The following IL1RAPL1 variants were observed in gnomAD, a reference collection of about 807,000 sequenced individuals.
The protein encoded by IL1RAPL1 is interleukin-1 receptor accessory protein-like 1.
A neutral mutation model predicts 48.4 loss-of-function variants in IL1RAPL1; 3 were observed. That is an observed-to-expected ratio of 0.06 (90% CI 0.03 to 0.16). The LOEUF is 0.16. Among genes scored for constraint, IL1RAPL1 ranks in the 10% least tolerant of loss-of-function variants. IL1RAPL1 has a pLI of 1.00. For missense variants in IL1RAPL1, 349 were observed against 530.6 expected (o/e 0.66, Z 3.36); for synonymous variants, 185 against 187.7 (o/e 0.99, Z 0.12).
chrX:29,276,928 T>C (rs1426747093), intron 2 of IL1RAPL1, among the ~76,000 whole-genome samples: 6 of 111,914 alleles, frequency 5.4e-5, no homozygotes, highest in Non-Finnish European at 1.1e-4. Context: ...GAGATGGCGA[T>C]AGAGATACGG....
chrX:29,440,501 T>G (rs187645909), intron 5 of IL1RAPL1, among the ~76,000 whole-genome samples: 3 of 111,763 alleles, frequency 2.7e-5, no homozygotes, highest in Non-Finnish European at 5.7e-5. Context: ...CAATCACTCC[T>G]TGTCAAAATG....
chrX:29,843,797 GTCTC>G (rs1439061867), intron 6 of IL1RAPL1, among the ~76,000 whole-genome samples: 1 of 108,111 alleles, frequency 9.2e-6, no homozygotes, highest in Non-Finnish European at 1.9e-5. Context: ...CTCTCTGTGT[GTCTC>G]TCTCTCTCAT....
chrX:28,798,717 T>C (rs1395496488), intron 2 of IL1RAPL1, among the ~76,000 whole-genome samples: 1 of 111,605 alleles, frequency 9.0e-6, no homozygotes, highest in African/African-American at 3.3e-5. Context: ...AGGAGCCAGA[T>C]GGGAATGGAA....
At chrX:29,686,308 C>G (rs1601778707) in intron 6 of IL1RAPL1, among the ~76,000 whole-genome samples, 1 of 110,691 alleles carries the variant, frequency 9.0e-6, no homozygotes, top group African/African-American at 3.3e-5. Flanking sequence ...ATTATTTTCA[C>G]TCTTAAAGTA....
intron 6 of IL1RAPL1, among the ~76,000 whole-genome samples, chrX:29,720,619 G>A (rs1175486488): frequency 2.7e-5 from 3 of 110,784 alleles, no homozygotes; most frequent in African/African-American, 9.9e-5. Flanking sequence ...GGGGGTCTAG[G>A]GGAGGCATAG....
Position 28,698,890 on chromosome X carries a change from T to C in IL1RAPL1, c.-24-90430T>C, listed in dbSNP as rs749926802. On this transcript the variant is annotated intron_variant, in intron 1 of 10. Coordinates refer to ENST00000378993, the MANE Select transcript of IL1RAPL1 (RefSeq NM_014271.4). ...CCTGGCATGCAAAGCTAGAGAATAC[T>C]ACACAGAAAGAAGTTCAAGCACAGA... Among the ~76,000 whole-genome samples the C allele has an allele frequency of 8.2e-4, 92 of 112,305 alleles. 1 individual carries two copies. The highest frequency in any genetic ancestry group is 2.6e-3 in the African/African-American group (81 of 31,050).
intron 6 of IL1RAPL1, among the ~76,000 whole-genome samples, chrX:29,827,405 G>C (rs1160564383): frequency 8.9e-6 from 1 of 112,373 alleles, no homozygotes; most frequent in Admixed American, 9.4e-5. Flanking sequence ...TTTAACAACA[G>C]ATACAAAGTG....
intron 5 of IL1RAPL1, among the ~76,000 whole-genome samples, chrX:29,613,345 T>C (rs549352909): frequency 8.9e-6 from 1 of 111,842 alleles, no homozygotes; most frequent in East Asian, 2.8e-4. Context: ...AACAGCTACA[T>C]GTAGCTACTG....
intron 2 of IL1RAPL1, among the ~76,000 whole-genome samples, chrX:29,164,044 GTCTT>G (rs748283763): frequency 5.4e-5 from 6 of 111,404 alleles, no homozygotes; most frequent in African/African-American, 2.0e-4. Context: ...AAACATAAAT[GTCTT>G]TATACAAATC....
At chrX:29,592,519 T>A (rs758020475) in intron 5 of IL1RAPL1, among the ~76,000 whole-genome samples, 22 of 111,338 alleles carry the variant, frequency 2.0e-4, no homozygotes, top group Middle Eastern at 4.6e-3. Flanking sequence ...TATATATAAA[T>A]AAATAGTAAA....
At chrX:29,716,492 A>C (rs1927489394) in intron 6 of IL1RAPL1, among the ~76,000 whole-genome samples, 1 of 111,728 alleles carries the variant, frequency 9.0e-6, no homozygotes, top group Admixed American at 9.6e-5. Flanking sequence ...ATGCAAGCCA[A>C]ACCTGAGATT....
intron 6 of IL1RAPL1, among the ~76,000 whole-genome samples, chrX:29,681,470 G>A (rs1926447502): frequency 8.9e-6 from 1 of 111,979 alleles, no homozygotes; most frequent in African/African-American, 3.2e-5. Flanking sequence ...GAATGAAATG[G>A]GCAAATTCTC....
At chrX:29,316,339 T>G (rs1426551716) in intron 3 of IL1RAPL1, among the ~76,000 whole-genome samples, 8 of 111,882 alleles carry the variant, frequency 7.2e-5, no homozygotes, top group Non-Finnish European at 1.5e-4. Context: ...GAAGATGACC[T>G]CGAGGTCATC....
intron 1 of IL1RAPL1, among the ~76,000 whole-genome samples, chrX:28,717,392 C>A (rs745674966): frequency 9.0e-6 from 1 of 111,619 alleles, no homozygotes; most frequent in East Asian, 2.8e-4. Context: ...CAAACTAACA[C>A]AGGAACAGAA....
At chrX:29,387,925 G>A (rs1933801148) in intron 3 of IL1RAPL1, among the ~76,000 whole-genome samples, 1 of 107,658 alleles carries the variant, frequency 9.3e-6, no homozygotes, top group Non-Finnish European at 1.9e-5. Flanking sequence ...CGTAGGAGGT[G>A]AAGTTTGCAG....
chrX:29,947,477 G>A (rs779236983), intron 9 of IL1RAPL1, among the ~76,000 whole-genome samples: 3 of 111,287 alleles, frequency 2.7e-5, no homozygotes, highest in African/African-American at 9.8e-5. Flanking sequence ...CTAGTCCTAC[G>A]TTGGGAGTTA....
At chrX:28,670,060 T>A (rs1934932645) in intron 1 of IL1RAPL1, among the ~76,000 whole-genome samples, 1 of 111,023 alleles carries the variant, frequency 9.0e-6, no homozygotes, top group Admixed American at 9.7e-5. Context: ...ATCCTGAAGG[T>A]AGGATGACCA....
chrX:28,703,690 T>C (rs969495912), intron 1 of IL1RAPL1, among the ~76,000 whole-genome samples: 4 of 111,782 alleles, frequency 3.6e-5, no homozygotes, highest in South Asian at 3.7e-4. Flanking sequence ...TTTTCTGTTA[T>C]TAGCAAATCA....
Position 29,552,516 on chromosome X carries a change from A to G in IL1RAPL1, c.704-115914A>G, listed in dbSNP as rs757064936. 7.7e-4 allele frequency among the ~76,000 whole-genome samples: 86 copies of G among 111,808 alleles called. No homozygotes were observed. The East Asian group carries it at 0.015, about 19-fold the overall frequency. ...ATTATTTTTACTACTCTAGTTAAAT[A>G]TAAATACCATAAAATTTGTTATTTT... is the stretch of plus-strand genomic sequence containing the variant. On this transcript the variant is annotated intron_variant, in intron 5 of 10. Coordinates refer to ENST00000378993, the MANE Select transcript of IL1RAPL1 (RefSeq NM_014271.4).
Sources: allele counts gnomAD v4.1 joint callset (sites outside exome capture counted in the v4.1 genomes callset), GRCh38; gene constraint gnomAD v4.1.1; transcripts MANE v1.5; gene names NCBI Gene and HGNC (gene_info 2026-07-23, HGNC 2026-07-21).